UGT1A8: variants seen among roughly 807,000 people sequenced by gnomAD.
The protein encoded by UGT1A8 is UDP glucuronosyltransferase family 1 member A8, also known as UDP-glucuronosyltransferase 1A8.
In UGT1A8, 39 loss-of-function variants were observed where a neutral mutation model predicts 45.3. That is an observed-to-expected ratio of 0.86 (90% CI 0.67 to 1.12). The LOEUF is 1.12. Ranked by LOEUF, UGT1A8 falls within the 50% of genes most tolerant of loss-of-function variation. UGT1A8 has a pLI of 0.00. For synonymous variants in UGT1A8, 275 were observed against 249.2 expected (o/e 1.10, Z -0.97); for missense variants, 719 against 664.9 (o/e 1.08, Z -0.90).
intron 1 of UGT1A8, among the ~76,000 whole-genome samples, chr2:233,700,016 G>A (rs1422115779): frequency 4.6e-5 from 7 of 152,224 alleles, no homozygotes; most frequent in African/African-American, 1.7e-4. Context: ...CACGAGTGCT[G>A]AAATTGAGAA....
At chr2:233,724,982 C>A (rs1242883505) in intron 1 of UGT1A8, among the ~76,000 whole-genome samples, 1 of 134,788 alleles carries the variant, frequency 7.4e-6, no homozygotes. Context: ...GGATCACTCG[C>A]GGTTAGGGGC....
At chr2:233,668,729 C>T (rs1289797593) in intron 1 of UGT1A8, among the ~76,000 whole-genome samples, 1 of 152,212 alleles carries the variant, frequency 6.6e-6, no homozygotes, top group Non-Finnish European at 1.5e-5. Context: ...GTACATTTAT[C>T]ACAACTCATT....
At chr2:233,746,265 C>T (rs187514797) in intron 1 of UGT1A8, among the ~76,000 whole-genome samples, 21 of 151,710 alleles carry the variant, frequency 1.4e-4, no homozygotes, top group Admixed American at 8.5e-4. Context: ...CAGAACAAAA[C>T]GCTGTGGGGA....
chr2:233,738,466 G>C (rs1690794725), intron 1 of UGT1A8, among the ~76,000 whole-genome samples: 1 of 152,190 alleles, frequency 6.6e-6, no homozygotes, highest in Non-Finnish European at 1.5e-5. Context: ...GGGAAAGTTT[G>C]GAACTTCCTG....
chr2:233,759,810 A>G (rs1374483209), intron 1 of UGT1A8, among the ~76,000 whole-genome samples: 1 of 152,220 alleles, frequency 6.6e-6, no homozygotes, highest in Non-Finnish European at 1.5e-5. Flanking sequence ...GTGAGCAGGC[A>G]GTACCGGGGG....
At chr2:233,646,927 G>A (rs2125471019) in intron 1 of UGT1A8, among the ~76,000 whole-genome samples, 1 of 152,302 alleles carries the variant, frequency 6.6e-6, no homozygotes, top group African/African-American at 2.4e-5. Context: ...TTTTCATGCT[G>A]CTGATAAAGA....
At chr2:233,679,112 A>T (rs1384013743) in intron 1 of UGT1A8, among the ~76,000 whole-genome samples, 1 of 152,184 alleles carries the variant, frequency 6.6e-6, no homozygotes, top group Non-Finnish European at 1.5e-5. Flanking sequence ...TGAGTTCTAA[A>T]TTTCCTTAAG....
chr2:233,630,649 G>C (rs563379744), intron 1 of UGT1A8, among the ~76,000 whole-genome samples: 30 of 152,078 alleles, frequency 2.0e-4, no homozygotes, highest in Non-Finnish European at 3.4e-4. Flanking sequence ...ATGACAGAAG[G>C]TGATGGAGAG....
chr2:233,691,433 A>C, intron 1 of UGT1A8: 2 of 985,600 alleles, frequency 2.0e-6, no homozygotes, highest in Non-Finnish European at 2.4e-6. Context: ...CATGTTGCTC[A>C]GGCTTCTTCT....
rs554048784 is a variant in UGT1A8, at chr2:233,732,559, A to G, written c.856-34475A>G. ...TTTTCCCAGCACCATTTATTAAATA[A>G]GGAATCCTTTCCCCATTGCTTGTTT... On this transcript the variant is annotated intron_variant, in intron 1 of 4. Coordinates refer to ENST00000373450, the MANE Select transcript of UGT1A8 (RefSeq NM_019076.5). Among the ~76,000 whole-genome samples the G allele has an allele frequency of 2.5e-3, 374 of 152,298 alleles. 2 individuals are homozygous for G. The highest frequency in any genetic ancestry group is 8.6e-3 in the African/African-American group (358 of 41,564).
intron 1 of UGT1A8, chr2:233,760,660 T>C: frequency 6.2e-7 from 1 of 1,614,244 alleles, no homozygotes; most frequent in Non-Finnish European, 8.5e-7. Flanking sequence ...TATGCTTTTG[T>C]CTGGCTGTTC....
intron 1 of UGT1A8, chr2:233,713,964 C>T (rs2076358616): frequency 1.9e-6 from 3 of 1,604,778 alleles, no homozygotes; most frequent in Non-Finnish European, 2.6e-6. Flanking sequence ...CCAAAGATTT[C>T]ATTTCTGCTT....
intron 1 of UGT1A8, among the ~76,000 whole-genome samples, chr2:233,765,710 AT>A (rs1243221658): frequency 7.2e-6 from 1 of 138,280 alleles, no homozygotes; most frequent in East Asian, 2.2e-4. Context: ...AATAATAATA[AT>A]TAATAATAAT....
chr2:233,681,530 C>CAAAA (rs747693860), intron 1 of UGT1A8, among the ~76,000 whole-genome samples: 4 of 77,718 alleles, frequency 5.1e-5, no homozygotes, highest in African/African-American at 9.7e-5. Flanking sequence ...GACTCCATCT[C>CAAAA]AAAAAAAAAA....
intron 1 of UGT1A8, among the ~76,000 whole-genome samples, chr2:233,640,452 CAAT>C (rs1370897563): frequency 6.6e-6 from 1 of 152,068 alleles, no homozygotes; most frequent in Non-Finnish European, 1.5e-5. Context: ...ACACCTAACA[CAAT>C]AATAATACTT....
At chr2:233,767,657 C>T (rs1486356449) in intron 2 of UGT1A8, among the ~76,000 whole-genome samples, 192 bp from the exon 3 acceptor site, 2 of 152,174 alleles carry the variant, frequency 1.3e-5, no homozygotes, top group Non-Finnish European at 2.9e-5. Flanking sequence ...AGTGCATACA[C>T]CCTTGTAACT....
At chr2:233,700,791 A>C (rs1037537460) in intron 1 of UGT1A8, among the ~76,000 whole-genome samples, 1 of 152,118 alleles carries the variant, frequency 6.6e-6, no homozygotes, top group Non-Finnish European at 1.5e-5. Context: ...TTACATATGT[A>C]TACATGTGCC....
intron 1 of UGT1A8, chr2:233,690,573 T>C (rs1453972906): frequency 7.8e-6 from 10 of 1,288,356 alleles, no homozygotes; most frequent in South Asian, 1.2e-5. Flanking sequence ...TCATTCAGCC[T>C]GCAGCAATCC....
chr2:233,650,988 A>G (rs1317929807), intron 1 of UGT1A8, among the ~76,000 whole-genome samples: 3 of 152,202 alleles, frequency 2.0e-5, no homozygotes, highest in Non-Finnish European at 4.4e-5. Context: ...TGTCTCACAC[A>G]TCGGCAGCTG....
Sources: allele counts gnomAD v4.1 joint callset (sites outside exome capture counted in the v4.1 genomes callset), GRCh38; gene constraint gnomAD v4.1.1; transcripts MANE v1.5; gene names NCBI Gene and HGNC (gene_info 2026-07-23, HGNC 2026-07-21).